Variants in ZFR2 observed in about 807,000 individuals in gnomAD.
ZFR2 encodes zinc finger RNA-binding protein 2.
A neutral mutation model predicts 105.7 loss-of-function variants in ZFR2; 104 were observed. The ratio of observed to expected loss-of-function variants is 0.98; its 90% CI spans 0.84 to 1.16. ZFR2 has a LOEUF of 1.16. Among genes scored for constraint, ZFR2 ranks in the 50% most tolerant of loss-of-function variants. The pLI is 0.00. For missense variants in ZFR2, 1,425 were observed against 1,355.5 expected, an observed-to-expected ratio of 1.05 and a Z score of -0.80; for synonymous variants, 634 against 597.7, an observed-to-expected ratio of 1.06 and a Z score of -0.89.
chr19:3,816,684 CG>C lies in ZFR2; in HGVS notation c.2092del (p.Arg698GlyfsTer6), dbSNP rs2037827720. 1.9e-6 allele frequency: 3 copies of C among 1,608,260 alleles called. No homozygotes were observed. The African/African-American group carries it at 4.0e-5, about 21-fold the overall frequency. ...LLRRIAQQLP[R>X]QLQMVTEDEY... is the part of the protein sequence containing the mutation. ...GGGCCCTGACCTTACCTGGAGCTGC[CG>C]GGGCAGCTGCTGGGCGATCCTCCGC... On this transcript the variant is annotated frameshift_variant, in exon 13 of 19. Transcript: ENST00000262961. LOFTEE classifies it high-confidence loss of function.
Position 3,863,328 on chromosome 19 carries a change from G to A in ZFR2, c.53+5637C>T, listed in dbSNP as rs183912713. Among the ~76,000 whole-genome samples the A allele has an allele frequency of 3.6e-3, 553 of 152,334 alleles. 5 individuals carry two copies. The highest frequency in any genetic ancestry group is 6.4e-3 in the Non-Finnish European group (436 of 68,032). ...GCCTTTTTCAAGCTACCTGTTGCCCGGGAGACATTTTTGAGAGATACGGGT... is the reference window on the plus strand; with the variant it reads ...GCCTTTTTCAAGCTACCTGTTGCCCAGGAGACATTTTTGAGAGATACGGGT... On this transcript the variant is annotated intron_variant, in intron 1 of 18. Coordinates refer to ENST00000262961, the MANE Select transcript of ZFR2 (RefSeq NM_015174.2).
intron 11 of ZFR2, 48 bp downstream of exon 11, chr19:3,820,134 G>C (rs1568420332): frequency 6.5e-7 from 1 of 1,530,898 alleles, no homozygotes. Flanking sequence ...CGCTGCTCCG[G>C]GGAGTGTGAG....
intron 5 of ZFR2, among the ~76,000 whole-genome samples, chr19:3,828,145 ATT>A (rs764829242): frequency 5.1e-5 from 6 of 118,014 alleles, no homozygotes; most frequent in East Asian, 2.5e-4. Context: ...GACGTCTCAA[ATT>A]TTTTTTTTTT....
intron 1 of ZFR2, among the ~76,000 whole-genome samples, chr19:3,862,620 T>A (rs1462765790): frequency 6.6e-6 from 1 of 152,172 alleles, no homozygotes; most frequent in African/African-American, 2.4e-5. Flanking sequence ...CTAAAACAAG[T>A]AAGATGAAAA....
At position 3,810,841 on chromosome 19, in the gene ZFR2, C is replaced by T. The variant is rs375058331; in HGVS notation, c.2342G>A (p.Arg781Gln). 128 of 1,550,188 alleles carry T rather than the reference C, an allele frequency of 8.3e-5. 1 individual carries two copies. In the African/African-American group the frequency reaches 1.1e-3, roughly 14 times the overall value. Residue 781 changes from arginine (R) to glutamine (Q), a missense_variant, in exon 16 of 19, where the codon CGA becomes CAA. Physicochemically the swap from Arg to Gln is conservative, Grantham distance 43. Transcript: ENST00000262961. ...CACGCATGGCTGCAGGCCGCTGGCT[C>T]GAGCCTTCGGGGGAGAAGCACACGG... ...ALRHARWFQARASGLQPCVIV... is the reference protein window; with the variant it reads ...ALRHARWFQAQASGLQPCVIV...
chr19:3,825,354 T>C lies in ZFR2; in HGVS notation c.1089A>G (p.Ala363=). ...LGKPIPTLEP[A]LATESPPGAE... ...CCCCGGGGGGGCTCTCTGTGGCCAG[T>C]GCAGGCTCGAGGGTGGGAATGGGCT... The change falls in exon 7 of 19, where the codon GCA becomes GCG. Residue 363 remains alanine, a synonymous_variant. Transcript: ENST00000262961. 1.3e-6 allele frequency: 2 copies of C among 1,592,286 alleles called. No homozygotes were observed. Among genetic ancestry groups the C allele is most frequent in the Non-Finnish European group, 1.7e-6 (2 of 1,171,650 alleles).
chr19:3,864,960 G>C (rs1025168251), intron 1 of ZFR2, among the ~76,000 whole-genome samples: 37 of 151,954 alleles, frequency 2.4e-4, no homozygotes, highest in African/African-American at 8.7e-4. Flanking sequence ...TGTTGGCCAG[G>C]CTGGTCTCGA....
chr19:3,861,090 G>A (rs753535522), intron 1 of ZFR2, among the ~76,000 whole-genome samples: 5 of 152,106 alleles, frequency 3.3e-5, no homozygotes, highest in Non-Finnish European at 5.9e-5. Context: ...CACCTCCTGC[G>A]GCAGGACTGG....
chr19:3,852,712 G>C (rs1287027243), intron 1 of ZFR2: 2 of 646,410 alleles, frequency 3.1e-6, no homozygotes, highest in African/African-American at 1.8e-5. Flanking sequence ...TGTGGTTTCA[G>C]GAGCTGAGCC....
intron 17 of ZFR2, among the ~76,000 whole-genome samples, chr19:3,808,208 TGTGTGCCCGTGCGAGTGCGTGC>T (rs1403916299): frequency 6.6e-6 from 1 of 151,534 alleles, no homozygotes; most frequent in Non-Finnish European, 1.5e-5. Context: ...TGTATGTGCG[TGTGTGCCCGTGCGAGTGCGTGC>T]GTGTGCCCGT....
chr19:3,819,019 C>T, intron 12 of ZFR2, 26 bp downstream of exon 12: 1 of 1,606,250 alleles, frequency 6.2e-7, no homozygotes, highest in Non-Finnish European at 8.5e-7. Context: ...GAGAGCCGGG[C>T]CCTGGGGAAG....
At chr19:3,832,351 C>T (rs1157019401) in intron 3 of ZFR2, among the ~76,000 whole-genome samples, 1 of 150,652 alleles carries the variant, frequency 6.6e-6, no homozygotes, top group South Asian at 2.1e-4. Context: ...GAGTCGGAGT[C>T]TTGCTTTGTC....
rs898642558 is a variant in ZFR2, at chr19:3,838,714, G to A, written c.54-3731C>T. Among the ~76,000 whole-genome samples, 1 of 152,204 alleles carries A rather than the reference G, an allele frequency of 6.6e-6. No homozygotes were observed. The highest frequency in any genetic ancestry group is 2.1e-4 in the South Asian group (1 of 4,818). On this transcript the variant is annotated intron_variant, in intron 1 of 18. Transcript: ENST00000262961. This position sits in a 1 kb window ranked among gnomAD's most constrained non-coding sequence, Gnocchi z 4.9. ...TGGCTGCTCAGTGACACCCTGGGACGAGCCCTCCTGGAGCCCCTGTGGCCT... is the reference window on the plus strand; with the variant it reads ...TGGCTGCTCAGTGACACCCTGGGACAAGCCCTCCTGGAGCCCCTGTGGCCT...
At chr19:3,847,908 G>C (rs4807516) in intron 1 of ZFR2, among the ~76,000 whole-genome samples, 22,846 of 152,204 alleles carry the variant, frequency 0.15, 2,078 homozygotes, top group East Asian at 0.26. Context: ...ACATACAGGA[G>C]AGGGGCGGAG....
chr19:3,808,475 C>T (rs1416263503), intron 17 of ZFR2, among the ~76,000 whole-genome samples: 1 of 152,210 alleles, frequency 6.6e-6, no homozygotes, highest in African/African-American at 2.4e-5. Context: ...CAGCTCTGCG[C>T]CCTCTGTCCT....
chr19:3,821,622 T>G, intron 9 of ZFR2, 143 bp from the exon 10 acceptor site: 1 of 743,494 alleles, frequency 1.3e-6, no homozygotes. Flanking sequence ...TTTTTTTTTT[T>G]TTTTTTTCGA....
chr19:3,844,025 T>C (rs150827841), intron 1 of ZFR2, among the ~76,000 whole-genome samples: 2 of 40,716 alleles, frequency 4.9e-5, no homozygotes, highest in Non-Finnish European at 1.0e-4. Flanking sequence ...GGGGGGGGGG[T>C]GCCAGGGACC....
At chr19:3,854,646 T>C (rs1198836934) in intron 1 of ZFR2, among the ~76,000 whole-genome samples, 1 of 152,206 alleles carries the variant, frequency 6.6e-6, no homozygotes, top group Non-Finnish European at 1.5e-5. Flanking sequence ...GGTCTTGATG[T>C]AGAGCATGTG....
intron 1 of ZFR2, among the ~76,000 whole-genome samples, chr19:3,837,182 G>A (rs748888187): frequency 7.9e-5 from 12 of 152,194 alleles, no homozygotes; most frequent in Non-Finnish European, 1.8e-4. Context: ...CTGTCACCCA[G>A]GTTGGAGTGC....
Sources: gnomAD v4.1 joint callset for allele counts (sites outside exome capture counted in the v4.1 genomes callset) on GRCh38, gnomAD v4.1.1 for gene constraint, Gnocchi (gnomAD v3.1) non-coding constraint, MANE v1.5 for transcripts, NCBI Gene and HGNC (gene_info 2026-07-23, HGNC 2026-07-21) for gene names.